MARCHF6: variants seen among roughly 807,000 people sequenced by gnomAD.
MARCHF6 encodes membrane associated ring-CH-type finger 6.
A neutral mutation model predicts 133.7 loss-of-function variants in MARCHF6; 31 were observed. The ratio of observed to expected loss-of-function variants is 0.23; its 90% CI spans 0.17 to 0.31. The LOEUF (loss-of-function observed/expected upper bound fraction) is 0.31. Ranked by LOEUF, MARCHF6 falls within the 10% of genes least tolerant of loss-of-function variation. The probability of loss-of-function intolerance (pLI) is 1.00; values close to 1 mark genes in which losing one functional copy is unlikely to be tolerated. For missense variants in MARCHF6, 723 were observed against 1,121.6 expected (o/e 0.64, Z 5.08); for synonymous variants, 395 against 402.5 (o/e 0.98, Z 0.22).
intron 22 of MARCHF6, among the ~76,000 whole-genome samples, chr5:10,422,745 G>T (rs1739889301): frequency 6.6e-6 from 1 of 152,048 alleles, no homozygotes; most frequent in Non-Finnish European, 1.5e-5. Context: ...CCTCAAGATG[G>T]TAGACAGTGA....
chr5:10,410,009 G>A (rs1739126882), intron 17 of MARCHF6, 130 bp from the exon 18 acceptor site: 2 of 971,792 alleles, frequency 2.1e-6, no homozygotes, highest in East Asian at 2.5e-5. Flanking sequence ...TCACTGAGTT[G>A]GAGAGAGAAT....
At position 10,357,101 on chromosome 5, in the gene MARCHF6, T is replaced by C. The variant is rs571559479; in HGVS notation, c.19+3184T>C. Among the ~76,000 whole-genome samples, 5 of 152,304 alleles carry C rather than the reference T, an allele frequency of 3.3e-5. No homozygotes were observed. The South Asian group carries it at 8.3e-4, about 25-fold the overall frequency. ...CTGACATTTTTAAACTTCAGAGCTA[T>C]AGGAGACCTTAGACATTTGCCCTCC... On this transcript the variant is annotated intron_variant, in intron 1 of 25. Coordinates refer to ENST00000274140, the MANE Select transcript of MARCHF6 (RefSeq NM_005885.4).
chr5:10,426,235 C>G (rs1394175900), intron 23 of MARCHF6, among the ~76,000 whole-genome samples, 155 bp from the exon 24 acceptor site: 2 of 152,148 alleles, frequency 1.3e-5, no homozygotes, highest in Admixed American at 1.3e-4. Flanking sequence ...GGGCACTATG[C>G]TTATGTTGAT....
chr5:10,423,767 C>T lies in MARCHF6; in HGVS notation c.2316C>T (p.Ile772=), dbSNP rs1261954903. ...DWALGVLHAK[I]IAAITLMGPQ... is the part of the protein sequence containing the mutation. ...CACTTGGAGTCCTGCATGCCAAAAT[C>T]ATTGCAGCTATAACATTGATGGGTC... The change falls in exon 23 of 26, where the codon ATC becomes ATT. Residue 772 remains isoleucine (I), a synonymous_variant. Coordinates refer to ENST00000274140, the MANE Select transcript of MARCHF6 (RefSeq NM_005885.4). The T allele has an allele frequency of 6.2e-7, 1 of 1,613,512 alleles. No homozygotes were observed. The highest frequency in any genetic ancestry group is 8.5e-7 in the Non-Finnish European group (1 of 1,179,742).
Position 10,394,144 on chromosome 5 carries a change from G to A in MARCHF6, c.828+1G>A. On this transcript the variant is annotated splice_donor_variant, in intron 8 of 25. Coordinates refer to ENST00000274140, the MANE Select transcript of MARCHF6 (RefSeq NM_005885.4). LOFTEE classifies it high-confidence loss of function. ...TGCTGAAGAGCTTACATGGGAAAGAGTAAGACCTTTTTCTGTCAAGTATCC... is the reference window on the plus strand; with the variant it reads ...TGCTGAAGAGCTTACATGGGAAAGAATAAGACCTTTTTCTGTCAAGTATCC... The A allele has an allele frequency of 6.5e-7, 1 of 1,549,228 alleles. No homozygotes were observed. The highest frequency in any genetic ancestry group is 8.7e-7 in the Non-Finnish European group (1 of 1,143,022).
chr5:10,432,899 CTT>C (rs752051489), intron 25 of MARCHF6, among the ~76,000 whole-genome samples: 5,009 of 135,950 alleles, frequency 0.037, 187 homozygotes, highest in African/African-American at 0.13. Context: ...TCCCTTCCTA[CTT>C]TTTTTTTTTT....
At chr5:10,354,431 C>CTGGT (rs1023682396) in intron 1 of MARCHF6, among the ~76,000 whole-genome samples, 3 of 152,174 alleles carry the variant, frequency 2.0e-5, no homozygotes, top group African/African-American at 7.2e-5. Context: ...GTTGAAAAGC[C>CTGGT]TGGTCCTCGG....
chr5:10,381,198 A>G (rs1271276308), intron 3 of MARCHF6, among the ~76,000 whole-genome samples: 1 of 152,184 alleles, frequency 6.6e-6, no homozygotes, highest in Non-Finnish European at 1.5e-5. Flanking sequence ...ATGTGGCAGA[A>G]CTTTTCTTTT....
rs577122390 is a variant in MARCHF6, at chr5:10,375,057, G to A, written c.20-2741G>A. 3.1e-4 allele frequency among the ~76,000 whole-genome samples: 47 copies of A among 152,328 alleles called. No individual in the cohort carries two copies. The East Asian group carries it at 7.0e-3, about 23-fold the overall frequency. On this transcript the variant is annotated intron_variant, in intron 1 of 25. Coordinates refer to ENST00000274140, the MANE Select transcript of MARCHF6 (RefSeq NM_005885.4). ...CCTCTGCCTGGGCTCCCACTTTGGC[G>A]GCACTTGAGGAGCCCTTCAGCCCAC...
At position 10,360,000 on chromosome 5, in the gene MARCHF6, C is replaced by T. The variant is rs969661899; in HGVS notation, c.19+6083C>T. 1.1e-4 allele frequency among the ~76,000 whole-genome samples: 16 copies of T among 151,338 alleles called. No homozygotes were observed. In the East Asian group the frequency reaches 1.6e-3, roughly 15 times the overall value. ...CAGCCTGGGCAACAGAGCAAGACTC[C>T]GTCTCAAAAAAAAAGTAGTACAATA... On this transcript the variant is annotated intron_variant, in intron 1 of 25. Transcript: ENST00000274140.
chr5:10,397,609 C>T (rs751232946), intron 10 of MARCHF6, among the ~76,000 whole-genome samples: 13 of 151,772 alleles, frequency 8.6e-5, no homozygotes, highest in Non-Finnish European at 1.8e-4. Context: ...GGTTTTAGAC[C>T]GACTTGAAAA....
At position 10,415,612 on chromosome 5, in the gene MARCHF6, A is replaced by G. The variant is rs745995955; in HGVS notation, c.2091A>G (p.Ala697=). Residue 697 remains alanine, a synonymous_variant, in exon 21 of 26, where the codon GCA becomes GCG. Transcript: ENST00000274140. Reference sequence around the variant, plus strand: ...TAAGGGCTGTGACGGTGATGGTGGCATGGATGCCTCAGGGACGCAGAGTGA... The same window carrying G: ...TAAGGGCTGTGACGGTGATGGTGGCGTGGATGCCTCAGGGACGCAGAGTGA... The part of the protein sequence containing the change: ...LTIRAVTVMV[A]WMPQGRRVIF... 6.2e-7 allele frequency: 1 copy of G among 1,614,156 alleles called. No homozygotes were observed. The highest frequency in any genetic ancestry group is 8.5e-7 in the Non-Finnish European group (1 of 1,180,030).
intron 5 of MARCHF6, among the ~76,000 whole-genome samples, chr5:10,387,379 T>A (rs1254545393): frequency 4.0e-5 from 6 of 151,820 alleles, no homozygotes; most frequent in Non-Finnish European, 1.5e-5. Context: ...CTCGGCTCAC[T>A]GCAACCTCCG....
chr5:10,379,776 A>G (rs920956840), intron 3 of MARCHF6, among the ~76,000 whole-genome samples: 3 of 152,054 alleles, frequency 2.0e-5, no homozygotes, highest in African/African-American at 7.2e-5. Flanking sequence ...TTTTTAAAAA[A>G]ATAATAAAAA....
chr5:10,387,053 G>A lies in MARCHF6; in HGVS notation c.394G>A (p.Asp132Asn), dbSNP rs747220950. The A allele has an allele frequency of 3.7e-6, 6 of 1,611,786 alleles. No homozygotes were observed. The highest frequency in any genetic ancestry group is 5.1e-6 in the Non-Finnish European group (6 of 1,178,324). ...SVSSLLTLPL[D>N]MLSTENLLAD... ...GAGCTCACTACTGACGCTGCCATTA[G>A]ATATGCTGTCAACGTGAGTATTGAA... The change falls in exon 5 of 26, where the codon GAT (aspartate) becomes AAT (asparagine). Residue 132 changes from aspartate (D) to asparagine (N), a missense_variant. Asp to Asn is a conservative substitution (Grantham distance 23, BLOSUM62 1). This residue lies in a region of MARCHF6 where 91 missense variants were observed against 208.8 expected (regional missense o/e 0.44). Coordinates refer to ENST00000274140, the MANE Select transcript of MARCHF6 (RefSeq NM_005885.4).
At chr5:10,407,811 C>T (rs966680468) in intron 17 of MARCHF6, among the ~76,000 whole-genome samples, 2 of 152,134 alleles carry the variant, frequency 1.3e-5, no homozygotes, top group Admixed American at 6.5e-5. Flanking sequence ...AAAAAATTAG[C>T]CATGCGTGGT....
chr5:10,382,732 CAG>C (rs1269281933), intron 4 of MARCHF6, among the ~76,000 whole-genome samples: 1 of 152,134 alleles, frequency 6.6e-6, no homozygotes, highest in Non-Finnish European at 1.5e-5. Context: ...GAGGCTGAGA[CAG>C]GAGAATCACT....
intron 24 of MARCHF6, among the ~76,000 whole-genome samples, 155 bp from the exon 25 acceptor site, chr5:10,429,738 G>A (rs1385094863): frequency 2.6e-5 from 4 of 152,082 alleles, no homozygotes; most frequent in Non-Finnish European, 5.9e-5. Context: ...GGGTCAGAAA[G>A]GGCTCATGAC....
intron 1 of MARCHF6, among the ~76,000 whole-genome samples, chr5:10,354,890 A>G (rs1186423894): frequency 1.3e-5 from 2 of 152,212 alleles, no homozygotes; most frequent in Non-Finnish European, 2.9e-5. Context: ...GAGTGCAATA[A>G]TGAGTGAAAA....
Sources: allele counts gnomAD v4.1 joint callset (sites outside exome capture counted in the v4.1 genomes callset), GRCh38; gene constraint gnomAD v4.1.1; regional missense constraint gnomAD v4.1.1; transcripts MANE v1.5; gene names NCBI Gene and HGNC (gene_info 2026-07-23, HGNC 2026-07-21).